Variants in CELF2 observed in about 807,000 individuals in gnomAD.
CELF2 encodes CUGBP Elav-like family member 2.
In CELF2, 8 loss-of-function variants were observed where a neutral mutation model predicts 62.6. The ratio of observed to expected loss-of-function variants is 0.13; its 90% CI spans 0.07 to 0.23. The LOEUF is 0.23. CELF2 is among the 10% of genes least tolerant of loss of function. The pLI is 1.00. For synonymous variants in CELF2, 258 were observed against 250.0 expected (o/e 1.03, Z -0.30); for missense variants, 333 against 671.0 (o/e 0.50, Z 5.56).
the CELF2 span, among the ~76,000 whole-genome samples, chr10:10,588,037 T>G: frequency 6.6e-6 from 1 of 151,124 alleles, no homozygotes; most frequent in Non-Finnish European, 1.5e-5. Flanking sequence ...TTTTACATAA[T>G]GTTTTAGCTG....
intron 1 of CELF2, among the ~76,000 whole-genome samples, chr10:11,125,952 C>T (rs1416415802): frequency 1.3e-5 from 2 of 152,166 alleles, no homozygotes; most frequent in East Asian, 1.9e-4. Context: ...TCTCATTTTC[C>T]TGTCAACACA....
Position 11,178,634 on chromosome 10 carries a change from G to A in CELF2, c.271+12952G>A, listed in dbSNP as rs910576917. ...ATTAAACTCCAAGGCAAATAAATGT[G>A]TGACAGCTTAAGAGGCGAAAAGAAG... On this transcript the variant is annotated intron_variant, in intron 2 of 12. Coordinates refer to ENST00000633077, the MANE Select transcript of CELF2 (RefSeq NM_001326342.2). This position sits in a 1 kb window ranked among gnomAD's most constrained non-coding sequence, Gnocchi z 4.3. Among the ~76,000 whole-genome samples, 1 of 152,212 alleles carries A rather than the reference G, an allele frequency of 6.6e-6. No individual in the cohort carries two copies. The highest frequency in any genetic ancestry group is 1.5e-5 in the Non-Finnish European group (1 of 68,028).
At chr10:11,025,915 C>T (rs1049569266) in intron 1 of CELF2, among the ~76,000 whole-genome samples, 5 of 152,212 alleles carry the variant, frequency 3.3e-5, no homozygotes, top group African/African-American at 1.2e-4. Flanking sequence ...GGCAGTTCTG[C>T]CATGTTACTG....
At chr10:11,103,544 G>C (rs1438634696) in intron 1 of CELF2, among the ~76,000 whole-genome samples, 1 of 128,672 alleles carries the variant, frequency 7.8e-6, no homozygotes, top group African/African-American at 3.2e-5. Flanking sequence ...TGACTTCTCT[G>C]AACCTCAATG....
chr10:10,871,207 G>C (rs928384399), intron 1 of CELF2, among the ~76,000 whole-genome samples: 2 of 152,098 alleles, frequency 1.3e-5, no homozygotes, highest in Non-Finnish European at 2.9e-5. Context: ...TGCAAAGAAG[G>C]GTTCTTTTCT....
intron 1 of CELF2, among the ~76,000 whole-genome samples, chr10:10,834,560 G>A (rs1463338131): frequency 6.6e-6 from 1 of 152,186 alleles, no homozygotes. Flanking sequence ...ACTGCATGAA[G>A]TAGTTATTGC....
the CELF2 span, among the ~76,000 whole-genome samples, chr10:10,475,282 G>C: frequency 2.0e-5 from 3 of 151,982 alleles, no homozygotes; most frequent in African/African-American, 7.2e-5. Context: ...TTTCTCAGTA[G>C]CATTTCAGTG....
chr10:10,554,731 T>A, the CELF2 span, among the ~76,000 whole-genome samples: 1 of 152,198 alleles, frequency 6.6e-6, no homozygotes, highest in Non-Finnish European at 1.5e-5. Flanking sequence ...TATGTAAATA[T>A]TTCCCTCAAT....
upstream of CELF2, chr10:11,005,067 A>G: frequency 1.3e-5 from 13 of 985,382 alleles, no homozygotes; most frequent in Middle Eastern, 5.2e-4. The surrounding 1 kb of genome is among the most constrained non-coding windows in gnomAD (Gnocchi z 4.3). Context: ...TAGGAGAAGT[A>G]ATACCAGCCA....
At chr10:11,034,962 G>A (rs954059016) in intron 1 of CELF2, among the ~76,000 whole-genome samples, 2 of 152,100 alleles carry the variant, frequency 1.3e-5, no homozygotes, top group Admixed American at 1.3e-4. Context: ...AGTGGGTGCT[G>A]ACCTGGTTTG....
At chr10:10,932,865 G>C (rs985410645) in intron 2 of CELF2, among the ~76,000 whole-genome samples, 2 of 152,188 alleles carry the variant, frequency 1.3e-5, no homozygotes, top group Non-Finnish European at 2.9e-5. Flanking sequence ...GGAATGTAGA[G>C]TGTCTGGAGA....
At chr10:11,190,616 T>A (rs622981) in intron 2 of CELF2, among the ~76,000 whole-genome samples, 49,068 of 146,260 alleles carry the variant, frequency 0.34, 8,813 homozygotes, top group East Asian at 0.78. Context: ...ATTGTTCTTT[T>A]AAAAAAAAAA....
chr10:10,714,955 C>A, the CELF2 span, among the ~76,000 whole-genome samples: 2 of 151,786 alleles, frequency 1.3e-5, no homozygotes, highest in South Asian at 4.2e-4. Flanking sequence ...AAAGATTCAT[C>A]GCAGGGTGAC....
chr10:10,789,531 TG>T, the CELF2 span, among the ~76,000 whole-genome samples: 22 of 152,342 alleles, frequency 1.4e-4, no homozygotes, highest in African/African-American at 5.3e-4. Context: ...TTTTAGTTTT[TG>T]ATACATGCTA....
At chr10:11,327,956 G>A (rs1190619667) in intron 12 of CELF2, among the ~76,000 whole-genome samples, 1 of 152,140 alleles carries the variant, frequency 6.6e-6, no homozygotes, top group Non-Finnish European at 1.5e-5. Flanking sequence ...ATAGCTTCCT[G>A]TCACCACTCG....
rs1384305122 is a variant in CELF2, at chr10:11,098,697, G to A, written c.75-66789G>A. 1.3e-5 allele frequency among the ~76,000 whole-genome samples: 2 copies of A among 152,114 alleles called. No homozygotes were observed. The highest frequency in any genetic ancestry group is 4.8e-5 in the African/African-American group (2 of 41,394). On this transcript the variant is annotated intron_variant, in intron 1 of 12. Transcript: ENST00000633077. The surrounding 1 kb of genome is among the most constrained non-coding windows in gnomAD (Gnocchi z 4.0). ...TGTTTTCTCTGTAGAAATAACAAAG[G>A]CCCTGGATACAGTAGAATGTCTGGC...
At chr10:10,595,649 C>A in the CELF2 span, among the ~76,000 whole-genome samples, 2 of 152,202 alleles carry the variant, frequency 1.3e-5, no homozygotes, top group Admixed American at 6.5e-5. Flanking sequence ...AGTGACTACA[C>A]TTTCCCTAGA....
At chr10:11,232,724 AGCCCACATTCATGGATAGGAGATG>A (rs1478916823) in intron 3 of CELF2, among the ~76,000 whole-genome samples, 15 of 152,318 alleles carry the variant, frequency 9.8e-5, no homozygotes, top group African/African-American at 3.1e-4. Flanking sequence ...CAGAGGAGTT[AGCCCACATTCATGGATAGGAGATG>A]GCCCACATTC....
chr10:10,659,135 C>T, the CELF2 span, among the ~76,000 whole-genome samples: 1 of 152,178 alleles, frequency 6.6e-6, no homozygotes, highest in Non-Finnish European at 1.5e-5. Flanking sequence ...TTAATACTAG[C>T]TACCTCAAGA....
Sources: allele counts gnomAD v4.1 joint callset (sites outside exome capture counted in the v4.1 genomes callset), GRCh38; gene constraint gnomAD v4.1.1; non-coding constraint Gnocchi (gnomAD v3.1); transcripts MANE v1.5; gene names NCBI Gene and HGNC (gene_info 2026-07-23, HGNC 2026-07-21).